Variants in SH3RF1 observed in about 807,000 individuals in gnomAD.
SH3RF1 encodes E3 ubiquitin-protein ligase SH3RF1.
Under a neutral mutation model 74.0 loss-of-function variants are expected in SH3RF1, and 32 were observed. The observed-to-expected ratio is 0.43, with a 90% confidence interval of 0.33 to 0.58. The LOEUF (loss-of-function observed/expected upper bound fraction) is 0.58, where lower values mean the gene tolerates loss of function less well. Ranked by LOEUF, SH3RF1 falls within the 20% of genes least tolerant of loss-of-function variation. The probability of loss-of-function intolerance (pLI) is 0.05; values close to 1 mark genes in which losing one functional copy is unlikely to be tolerated. For synonymous variants in SH3RF1, 396 were observed against 439.6 expected, an observed-to-expected ratio of 0.90 and a Z score of 1.24; for missense variants, 954 against 1,130.9, an observed-to-expected ratio of 0.84 and a Z score of 2.24.
intron 5 of SH3RF1, among the ~76,000 whole-genome samples, chr4:169,136,052 G>A (rs1425211074): frequency 6.6e-6 from 1 of 152,252 alleles, no homozygotes; most frequent in Non-Finnish European, 1.5e-5. Flanking sequence ...TGGTGAAACT[G>A]GTAAGTATTA....
intron 2 of SH3RF1, chr4:169,204,224 A>G (rs1368774972): frequency 6.6e-6 from 1 of 152,210 alleles, no homozygotes; most frequent in Non-Finnish European, 1.5e-5. Flanking sequence ...ACTGTTCCTC[A>G]GGTGCTTCCC....
At chr4:169,156,973 T>C (rs1384003736) in intron 2 of SH3RF1, among the ~76,000 whole-genome samples, 6 of 152,242 alleles carry the variant, frequency 3.9e-5, no homozygotes, top group Non-Finnish European at 8.8e-5. Context: ...GTTATCAGTA[T>C]ATGAAAGCAT....
chr4:169,136,359 T>C lies in SH3RF1; in HGVS notation c.1027A>G (p.Ile343Val), dbSNP rs751043770. 2.0e-6 allele frequency: 3 copies of C among 1,529,028 alleles called. No individual in the cohort carries two copies. Among genetic ancestry groups the C allele is most frequent in the African/African-American group, 1.4e-5 (1 of 71,910 alleles). The allele number at this position is 1,529,028 out of a possible 1,614,324, so 94.7% of individuals were successfully genotyped here. ...CAGGAGAGCCCAGACAGCTCGCTGA[T>C]CCGTGCAGCAGCAGTGGGGTTGCTG... ...SSSNPTAAAR[I>V]SELSGLSCSA... is the part of the protein sequence containing the mutation. The change falls in exon 5 of 12, where the codon ATC becomes GTC. Residue 343 changes from isoleucine to valine, a missense_variant. This residue lies in a region of SH3RF1 where 854 missense variants were observed against 962.5 expected (regional missense o/e 0.89). Transcript: ENST00000284637.
chr4:169,252,645 T>C (rs559919833), intron 2 of SH3RF1, among the ~76,000 whole-genome samples: 3 of 152,238 alleles, frequency 2.0e-5, no homozygotes, highest in African/African-American at 7.2e-5. Flanking sequence ...AACCAACCTA[T>C]TCTATTTTTT....
chr4:169,198,918 G>A (rs537987638), intron 2 of SH3RF1, among the ~76,000 whole-genome samples: 18 of 152,274 alleles, frequency 1.2e-4, no homozygotes, highest in East Asian at 3.9e-4. Flanking sequence ...ATAATGACCT[G>A]TGTAGAAAGA....
chr4:169,206,389 T>C (rs1195058212), intron 2 of SH3RF1, among the ~76,000 whole-genome samples: 1 of 137,628 alleles, frequency 7.3e-6, no homozygotes, highest in Non-Finnish European at 1.5e-5. Context: ...TTCAAGGGGC[T>C]GGGGGAAGGG....
intron 2 of SH3RF1, among the ~76,000 whole-genome samples, chr4:169,205,314 C>T (rs928459294): frequency 2.0e-5 from 3 of 152,188 alleles, no homozygotes; most frequent in East Asian, 3.9e-4. Context: ...TCAAAATTAA[C>T]ACCACATGTG....
At chr4:169,102,362 C>G (rs1733053174) in intron 11 of SH3RF1, among the ~76,000 whole-genome samples, 1 of 151,976 alleles carries the variant, frequency 6.6e-6, no homozygotes, top group African/African-American at 2.4e-5. Context: ...TCCAAGTGTT[C>G]TAGCTTAATC....
At chr4:169,260,725 T>C (rs1180455559) in intron 2 of SH3RF1, among the ~76,000 whole-genome samples, 1 of 152,012 alleles carries the variant, frequency 6.6e-6, no homozygotes, top group Non-Finnish European at 1.5e-5. Flanking sequence ...ACTGGAGCAA[T>C]AGTGATAATA....
At chr4:169,154,580 C>T (rs10049792) in intron 4 of SH3RF1, among the ~76,000 whole-genome samples, 48,444 of 151,968 alleles carry the variant, frequency 0.32, 8,027 homozygotes, top group African/African-American at 0.4. Flanking sequence ...CTTTTGAACA[C>T]GCTGGTCTCC....
At chr4:169,118,158 C>G (rs1408831516) in intron 8 of SH3RF1, among the ~76,000 whole-genome samples, 1 of 152,216 alleles carries the variant, frequency 6.6e-6, no homozygotes, top group Non-Finnish European at 1.5e-5. Context: ...TATCTTTGCT[C>G]CTGTTTCCTG....
intron 2 of SH3RF1, among the ~76,000 whole-genome samples, chr4:169,176,667 A>G (rs1734426490): frequency 6.6e-6 from 1 of 151,984 alleles, no homozygotes. Context: ...CAGCCTCCCA[A>G]GTAGCTGAGA....
chr4:169,097,998 A>G (rs7671805), intron 11 of SH3RF1, among the ~76,000 whole-genome samples: 28,746 of 152,234 alleles, frequency 0.19, 2,947 homozygotes, highest in African/African-American at 0.27. Context: ...AAGCCATCTT[A>G]GAAGGGGATC....
chr4:169,260,456 A>G (rs1005795684), intron 2 of SH3RF1, among the ~76,000 whole-genome samples: 1 of 152,242 alleles, frequency 6.6e-6, no homozygotes, highest in Non-Finnish European at 1.5e-5. Context: ...TGCAAGGCAG[A>G]GAAGTTAACA....
chr4:169,251,910 C>T (rs187218662), intron 2 of SH3RF1, among the ~76,000 whole-genome samples: 41 of 152,288 alleles, frequency 2.7e-4, no homozygotes, highest in African/African-American at 8.7e-4. Context: ...AAAGAAAAGC[C>T]TTGCATATTC....
At chr4:169,245,150 T>C (rs536418844) in intron 2 of SH3RF1, among the ~76,000 whole-genome samples, 1 of 152,280 alleles carries the variant, frequency 6.6e-6, no homozygotes, top group Admixed American at 6.5e-5. Flanking sequence ...TTTACCACAA[T>C]AAGAAGAGTA....
chr4:169,177,368 G>T (rs1734438853), intron 2 of SH3RF1, among the ~76,000 whole-genome samples: 1 of 152,054 alleles, frequency 6.6e-6, no homozygotes, highest in South Asian at 2.1e-4. Flanking sequence ...TCACCCACTT[G>T]TACCAAAGGG....
intron 3 of SH3RF1, among the ~76,000 whole-genome samples, chr4:169,156,009 C>G (rs1053375063): frequency 6.6e-6 from 1 of 152,132 alleles, no homozygotes; most frequent in Non-Finnish European, 1.5e-5. Context: ...TTTATCAATT[C>G]GGCAGATATA....
chr4:169,254,559 G>A (rs1230339774), intron 2 of SH3RF1, among the ~76,000 whole-genome samples: 2 of 152,146 alleles, frequency 1.3e-5, no homozygotes, highest in Non-Finnish European at 2.9e-5. Context: ...AGTTTAATCC[G>A]GAGGGTAGTA....
Sources: allele counts gnomAD v4.1 joint callset (sites outside exome capture counted in the v4.1 genomes callset), GRCh38; gene constraint gnomAD v4.1.1; regional missense constraint gnomAD v4.1.1; transcripts MANE v1.5; gene names NCBI Gene and HGNC (gene_info 2026-07-23, HGNC 2026-07-21).